Variants in ZNF385D observed in about 807,000 individuals in gnomAD.
The protein encoded by ZNF385D is zinc finger protein 385D, also known as zinc finger protein 659.
ZNF385D carries 15 observed loss-of-function variants against 35.8 expected under a neutral mutation model. The observed-to-expected ratio is 0.42, with a 90% CI of 0.28 to 0.64. ZNF385D has a LOEUF of 0.64. Ranked by LOEUF, ZNF385D falls within the 30% of genes least tolerant of loss-of-function variation. The pLI is 0.23. For missense variants in ZNF385D, 474 were observed against 494.6 expected (o/e 0.96, Z 0.39); for synonymous variants, 212 against 186.8 (o/e 1.13, Z -1.10).
chr3:21,644,392 T>C (rs2065692105), intron 2 of ZNF385D, among the ~76,000 whole-genome samples: 1 of 152,076 alleles, frequency 6.6e-6, no homozygotes, highest in Admixed American at 6.6e-5. Flanking sequence ...AGGACACCAT[T>C]CCATCACAGA....
chr3:21,575,085 T>C (rs572947043), intron 2 of ZNF385D, among the ~76,000 whole-genome samples: 2 of 152,344 alleles, frequency 1.3e-5, no homozygotes, highest in Non-Finnish European at 2.9e-5. Context: ...ATTTCTGTTA[T>C]AAAATTTATC....
intron 2 of ZNF385D, among the ~76,000 whole-genome samples, chr3:22,314,645 T>G (rs1703783934): frequency 3.3e-5 from 5 of 152,136 alleles, no homozygotes. Flanking sequence ...TGCAAATCAT[T>G]GTCATATTTA....
At chr3:22,037,164 A>G (rs1474802881) in intron 3 of ZNF385D, among the ~76,000 whole-genome samples, 4 of 151,838 alleles carry the variant, frequency 2.6e-5, no homozygotes, top group Non-Finnish European at 5.9e-5. Flanking sequence ...TAGTGCCGCA[A>G]TAAACATACG....
intron 1 of ZNF385D, among the ~76,000 whole-genome samples, chr3:21,750,184 C>G (rs115015656): frequency 6.6e-6 from 1 of 152,216 alleles, no homozygotes; most frequent in Non-Finnish European, 1.5e-5. Flanking sequence ...CAGCTCCAAG[C>G]CCACTTCCAG....
chr3:22,306,194 G>C (rs1227616300), intron 2 of ZNF385D, among the ~76,000 whole-genome samples: 1 of 152,036 alleles, frequency 6.6e-6, no homozygotes, highest in African/African-American at 2.4e-5. Context: ...GACTACCTTA[G>C]AATGCAATTT....
intron 4 of ZNF385D, among the ~76,000 whole-genome samples, chr3:21,458,822 C>T (rs145558706): frequency 1.4e-4 from 11 of 75,890 alleles, no homozygotes; most frequent in Admixed American, 2.9e-4. Context: ...GGTGGGGGGG[C>T]GGGACTGATG....
rs115865110 is a variant in ZNF385D, at chr3:22,126,229, T to C, written c.325+42588A>G. On this transcript the variant is annotated intron_variant, in intron 3 of 5. Coordinates refer to the ZNF385D transcript ENST00000494108. Reference sequence around the variant, plus strand: ...TGTATCATATTGACTGATTTGCATATATTGAGCCATCCTTGATCCATGCAA... The same window carrying C: ...TGTATCATATTGACTGATTTGCATACATTGAGCCATCCTTGATCCATGCAA... Among the ~76,000 whole-genome samples the C allele has an allele frequency of 5.4e-3, 827 of 151,862 alleles. 5 individuals are homozygous for C. The highest frequency in any genetic ancestry group is 0.017 in the African/African-American group (725 of 41,438).
intron 2 of ZNF385D, chr3:21,579,096 C>G (rs542603826): frequency 6.6e-6 from 1 of 152,214 alleles, no homozygotes; most frequent in South Asian, 2.1e-4. Context: ...CAGTGAATGT[C>G]TATGATACCT....
In ZNF385D at chr3:22,146,624, A is replaced by G. The variant is rs555407164; in HGVS notation, c.325+22193T>C. ...GGCAAAGATCTTTGCCTGCAAAAAT[A>G]ATAACTTTTCTCTAATATTTGTAAA... On this transcript the variant is annotated intron_variant, in intron 3 of 5. Transcript: ENST00000494108. Among the ~76,000 whole-genome samples, 27 of 152,252 alleles carry G rather than the reference A, an allele frequency of 1.8e-4. No homozygotes were observed. The South Asian group carries it at 5.4e-3, about 30-fold the overall frequency.
chr3:22,043,720 T>G (rs7628223), intron 3 of ZNF385D, among the ~76,000 whole-genome samples: 25,519 of 151,584 alleles, frequency 0.17, 2,372 homozygotes, highest in African/African-American at 0.24. Context: ...CCTCATTGAC[T>G]GTGGCTGGAC....
intron 3 of ZNF385D, among the ~76,000 whole-genome samples, chr3:22,090,816 C>T (rs1701291571): frequency 6.6e-6 from 1 of 152,172 alleles, no homozygotes; most frequent in Non-Finnish European, 1.5e-5. Flanking sequence ...GTAGCTTGCT[C>T]TCCCATGCCT....
At chr3:21,945,962 C>T (rs1234381866) in intron 3 of ZNF385D, among the ~76,000 whole-genome samples, 1 of 152,124 alleles carries the variant, frequency 6.6e-6, no homozygotes, top group Non-Finnish European at 1.5e-5. Context: ...AATCAGTTCA[C>T]AGTAATATGA....
At chr3:22,109,301 C>A (rs1702387443) in intron 3 of ZNF385D, among the ~76,000 whole-genome samples, 1 of 152,218 alleles carries the variant, frequency 6.6e-6, no homozygotes, top group Non-Finnish European at 1.5e-5. Context: ...AGTATGTTTG[C>A]TAGGCATTAC....
chr3:22,275,491 T>C (rs142158963), intron 2 of ZNF385D, among the ~76,000 whole-genome samples: 27 of 67,710 alleles, frequency 4.0e-4, no homozygotes, highest in African/African-American at 1.2e-3. Context: ...TAAGACACTT[T>C]ACTTGTGCTG....
At chr3:21,750,310 T>C (rs2070001186) in intron 1 of ZNF385D, among the ~76,000 whole-genome samples, 1 of 152,202 alleles carries the variant, frequency 6.6e-6, no homozygotes, top group African/African-American at 2.4e-5. Context: ...GCACAAATAT[T>C]TGACATCTCC....
chr3:22,038,651 T>C (rs1698479548), intron 3 of ZNF385D, among the ~76,000 whole-genome samples: 1 of 152,088 alleles, frequency 6.6e-6, no homozygotes. Flanking sequence ...ACTAGTGTAA[T>C]TTGGAAATTT....
At chr3:21,665,650 C>T (rs1260829541) in intron 1 of ZNF385D, among the ~76,000 whole-genome samples, 3 of 152,166 alleles carry the variant, frequency 2.0e-5, no homozygotes, top group African/African-American at 7.2e-5. Context: ...TCCCTGCCTC[C>T]CTCCCAGTCA....
chr3:21,977,669 A>T (rs563802101), intron 3 of ZNF385D, among the ~76,000 whole-genome samples: 82 of 151,960 alleles, frequency 5.4e-4, no homozygotes, highest in East Asian at 3.9e-3. Flanking sequence ...TATATATATA[A>T]AAATAATCAT....
At chr3:22,158,549 G>C (rs1705736288) in intron 3 of ZNF385D, among the ~76,000 whole-genome samples, 1 of 152,048 alleles carries the variant, frequency 6.6e-6, no homozygotes, top group African/African-American at 2.4e-5. Context: ...AGCAAGGAAA[G>C]AGAAGACATG....
Sources: gnomAD v4.1 joint callset for allele counts (sites outside exome capture counted in the v4.1 genomes callset) on GRCh38, gnomAD v4.1.1 for gene constraint, MANE v1.5 for transcripts, NCBI Gene and HGNC (gene_info 2026-07-23, HGNC 2026-07-21) for gene names.